The following LANCL2 variants were observed in gnomAD, a reference collection of about 807,000 sequenced individuals.
LANCL2 encodes the protein LanC like glutathione S-transferase 2, also known as lanC-like protein 2.
Under a neutral mutation model 56.9 loss-of-function variants are expected in LANCL2, and 33 were observed. That is an observed-to-expected ratio of 0.58 (90% CI 0.44 to 0.78). The LOEUF (loss-of-function observed/expected upper bound fraction) is 0.78, where lower values mean the gene tolerates loss of function less well. Among genes scored for constraint, LANCL2 ranks in the 30% least tolerant of loss-of-function variants. The probability of loss-of-function intolerance (pLI) is 0.00; values close to 1 mark genes in which losing one functional copy is unlikely to be tolerated. For synonymous variants in LANCL2, 233 were observed against 228.2 expected (o/e 1.02, Z -0.19); for missense variants, 562 against 580.2 (o/e 0.97, Z 0.32).
intron 1 of LANCL2, among the ~76,000 whole-genome samples, chr7:55,386,411 C>G (rs1026678916): frequency 1.3e-5 from 2 of 152,342 alleles, no homozygotes; most frequent in East Asian, 3.9e-4. Flanking sequence ...CAGCCGGTCC[C>G]TCTGTTTGGG....
intron 7 of LANCL2, 198 bp from the exon 8 acceptor site, chr7:55,428,177 C>T (rs1288560385): frequency 5.0e-6 from 3 of 602,672 alleles, no homozygotes; most frequent in Non-Finnish European, 5.9e-6. Context: ...CCCCACTCTA[C>T]AGCTGAGGCA....
At chr7:55,403,715 G>T (rs1790371807) in intron 5 of LANCL2, among the ~76,000 whole-genome samples, 1 of 151,618 alleles carries the variant, frequency 6.6e-6, no homozygotes, top group African/African-American at 2.4e-5. Flanking sequence ...GGGACTACAG[G>T]CGCGCACTAC....
At chr7:55,418,154 A>G (rs56322498) in intron 6 of LANCL2, among the ~76,000 whole-genome samples, 217 of 149,814 alleles carry the variant, frequency 1.4e-3, no homozygotes, top group Non-Finnish European at 2.4e-3. Flanking sequence ...TTTTCCAATT[A>G]TGTATTGCCA....
chr7:55,394,041 A>C (rs2128993048), intron 2 of LANCL2: 1 of 152,304 alleles, frequency 6.6e-6, no homozygotes, highest in East Asian at 1.9e-4. Context: ...CATCACAATT[A>C]CCAAGAGAGC....
rs12718965 is a variant in LANCL2 at position 55,431,948 on chromosome 7, T to C, written c.*628T>C. 0.28 allele frequency: 41,886 copies of C among 152,214 alleles called. 6,249 individuals are homozygous for C. Among genetic ancestry groups the C allele is most frequent in the Non-Finnish European group, 0.34 (22,878 of 68,070 alleles). The allele number at this position is 152,214 out of a possible 1,614,324, so 9.4% of individuals were successfully genotyped here. A position where few individuals can be genotyped will look rare whatever the true frequency, so the allele number is the denominator to read the frequency against. On this transcript the variant is annotated 3_prime_UTR_variant, in exon 9 of 9. Transcript: ENST00000254770. ...TGTTTTAAAGAAGCCTCAGAGTGCA[T>C]TGCAGCTCTGTCAGGGCCCCATTCC...
chr7:55,421,071 C>T (rs559949922), intron 6 of LANCL2, among the ~76,000 whole-genome samples: 5 of 152,110 alleles, frequency 3.3e-5, no homozygotes, highest in Non-Finnish European at 7.4e-5. Context: ...TTTGTAATTA[C>T]TGTTTGCATG....
rs368231832 is a variant in LANCL2, at chr7:55,366,156, C to T, written c.131C>T (p.Ala44Val). 42 of 1,555,184 alleles carry T rather than the reference C, an allele frequency of 2.7e-5. No homozygotes were observed. The East Asian group carries it at 8.9e-4, about 33-fold the overall frequency. Reference protein sequence around the residue: ...AAGALLASGAAEETGCVRPPA... With the variant: ...AAGALLASGAVEETGCVRPPA... ...GGGGCGCTGCTCGCCTCCGGAGCGG[C>T]CGAAGAGACAGGCTGTGTTCGTCCC... Residue 44 changes from alanine to valine, a missense_variant, in exon 1 of 9, where the codon GCC becomes GTC. This residue lies in a region of LANCL2 where 184 missense variants were observed against 111.8 expected (regional missense o/e 1.65). Transcript: ENST00000254770.
intron 1 of LANCL2, among the ~76,000 whole-genome samples, chr7:55,369,811 T>C (rs1263095483): frequency 2.0e-5 from 3 of 151,956 alleles, no homozygotes; most frequent in African/African-American, 7.3e-5. Context: ...GAGACTGGAG[T>C]AACAAGAGAT....
intron 1 of LANCL2, among the ~76,000 whole-genome samples, chr7:55,368,972 C>G (rs1403228216): frequency 1.3e-5 from 2 of 152,106 alleles, no homozygotes. Flanking sequence ...TAGTGAGACC[C>G]TGTCTCTTTT....
intron 6 of LANCL2, among the ~76,000 whole-genome samples, chr7:55,423,026 G>A (rs1790625201): frequency 6.6e-6 from 1 of 152,144 alleles, no homozygotes; most frequent in African/African-American, 2.4e-5. Context: ...CACACTTTCT[G>A]TCCTGTACTG....
At chr7:55,380,675 TGGA>T (rs1293383019) in intron 1 of LANCL2, among the ~76,000 whole-genome samples, 2 of 150,618 alleles carry the variant, frequency 1.3e-5, no homozygotes, top group East Asian at 3.9e-4. Context: ...AGTGAGTAAT[TGGA>T]GGAGGAGGGA....
intron 1 of LANCL2, among the ~76,000 whole-genome samples, chr7:55,385,822 C>T (rs982432680): frequency 1.3e-5 from 2 of 152,246 alleles, no homozygotes; most frequent in Admixed American, 1.3e-4. Context: ...AGCCTGGGAG[C>T]GCTATGGGAG....
chr7:55,376,027 G>A (rs1789996310), intron 1 of LANCL2, among the ~76,000 whole-genome samples: 1 of 152,160 alleles, frequency 6.6e-6, no homozygotes. Context: ...CATGGGATTA[G>A]ATGGGCCCCG....
intron 2 of LANCL2, chr7:55,393,927 T>A (rs906491984): frequency 1.3e-5 from 2 of 152,232 alleles, no homozygotes; most frequent in East Asian, 3.8e-4. Context: ...AACATAGCTA[T>A]TAGTCTCAAC....
chr7:55,429,493 AT>A (rs1420348698), intron 8 of LANCL2, among the ~76,000 whole-genome samples: 1 of 152,230 alleles, frequency 6.6e-6, no homozygotes, highest in Non-Finnish European at 1.5e-5. Context: ...CTCTGTCTGC[AT>A]CGTCTGTAGT....
chr7:55,426,335 T>C (rs1340738820), intron 7 of LANCL2, among the ~76,000 whole-genome samples: 2 of 152,184 alleles, frequency 1.3e-5, no homozygotes, highest in East Asian at 3.8e-4. Flanking sequence ...ACTCAGTAAA[T>C]GTTTGCTAGT....
intron 5 of LANCL2, among the ~76,000 whole-genome samples, chr7:55,405,055 G>T (rs1177563851): frequency 1.3e-5 from 2 of 152,114 alleles, no homozygotes; most frequent in Admixed American, 1.3e-4. Flanking sequence ...ATATGAGATG[G>T]GATTTCTTAA....
At chr7:55,409,705 G>A (rs761508953) in intron 5 of LANCL2, among the ~76,000 whole-genome samples, 38 of 152,240 alleles carry the variant, frequency 2.5e-4, no homozygotes, top group African/African-American at 7.2e-5. Context: ...ATGGAGAGTC[G>A]CCTCCAGGGA....
intron 5 of LANCL2, among the ~76,000 whole-genome samples, chr7:55,402,165 A>T (rs1251825839): frequency 4.2e-5 from 6 of 143,922 alleles, no homozygotes; most frequent in East Asian, 2.2e-4. Context: ...CTGGCCGGGC[A>T]GAGGGGCTCC....
Sources: allele counts gnomAD v4.1 joint callset (sites outside exome capture counted in the v4.1 genomes callset), GRCh38; gene constraint gnomAD v4.1.1; regional missense constraint gnomAD v4.1.1; transcripts MANE v1.5; gene names NCBI Gene and HGNC (gene_info 2026-07-23, HGNC 2026-07-21).